Variants in PTPRD observed in about 807,000 individuals in gnomAD.
PTPRD encodes protein tyrosine phosphatase receptor type D.
Under a neutral mutation model 214.5 loss-of-function variants are expected in PTPRD, and 34 were observed. That is an observed-to-expected ratio of 0.16 (90% CI 0.12 to 0.21). PTPRD has a LOEUF of 0.21. Among genes scored for constraint, PTPRD ranks in the 10% least tolerant of loss-of-function variants. The pLI is 1.00. For synonymous variants in PTPRD, 1,128 were observed against 845.7 expected (o/e 1.33, Z -5.79); for missense variants, 2,545 against 2,398.7 (o/e 1.06, Z -1.27).
intron 39 of PTPRD, among the ~76,000 whole-genome samples, chr9:8,359,396 C>A (rs1376900383): frequency 1.3e-5 from 2 of 151,946 alleles, no homozygotes; most frequent in Non-Finnish European, 2.9e-5. Flanking sequence ...ACAATCTCAG[C>A]TCACTGCAAC....
chr9:8,506,131 T>G lies in PTPRD; in HGVS notation c.1677+1170A>C, dbSNP rs141892470. ...CAGAAGTTTACAAGAACATATTAAT[T>G]TATTATAACATCCAAAATTATGTAC... On this transcript the variant is annotated intron_variant, in intron 22 of 45. Transcript: ENST00000381196. Among the ~76,000 whole-genome samples the G allele has an allele frequency of 2.2e-3, 337 of 152,318 alleles. 2 individuals are homozygous for G. The highest frequency in any genetic ancestry group is 8.0e-3 in the African/African-American group (333 of 41,568).
chr9:9,224,977 G>C (rs1313550826), intron 9 of PTPRD, among the ~76,000 whole-genome samples: 1 of 151,952 alleles, frequency 6.6e-6, no homozygotes, highest in Non-Finnish European at 1.5e-5. Context: ...TTACTTTGGT[G>C]AATACTAACT....
Position 9,962,851 on chromosome 9 carries a change from G to A in PTPRD, c.-471-24241C>T, listed in dbSNP as rs147942459. On this transcript the variant is annotated intron_variant, in intron 4 of 45. Transcript: ENST00000381196. ...ACTGTTCCCAAAAGAAAATATAGTA[G>A]CACAATTTTCAAGTTGTAATGCACC... 2.2e-3 allele frequency among the ~76,000 whole-genome samples: 338 copies of A among 152,062 alleles called. 1 individual carries two copies. The highest frequency in any genetic ancestry group is 3.8e-3 in the Non-Finnish European group (261 of 67,940).
chr9:9,742,972 A>G (rs1001106996), intron 6 of PTPRD, among the ~76,000 whole-genome samples: 2 of 152,180 alleles, frequency 1.3e-5, no homozygotes, highest in Admixed American at 1.3e-4. Context: ...CTAATAATTA[A>G]TAGGCATAAC....
chr9:8,552,843 C>G (rs1006961647), intron 14 of PTPRD, among the ~76,000 whole-genome samples: 2 of 152,166 alleles, frequency 1.3e-5, no homozygotes, highest in African/African-American at 2.4e-5. Flanking sequence ...AGATACTTGG[C>G]AAGTCACTAG....
intron 37 of PTPRD, among the ~76,000 whole-genome samples, chr9:8,384,826 C>T (rs964834461): frequency 3.9e-5 from 6 of 152,074 alleles, no homozygotes; most frequent in South Asian, 4.1e-4. Context: ...GCACCTGGCC[C>T]GTTGTCTTTG....
intron 8 of PTPRD, among the ~76,000 whole-genome samples, chr9:9,553,407 C>T (rs1188564024): frequency 6.6e-6 from 1 of 151,966 alleles, no homozygotes; most frequent in Non-Finnish European, 1.5e-5. Context: ...CCAGAAATAC[C>T]CTTCAAGGTA....
At chr9:8,619,619 C>T (rs1430499991) in intron 14 of PTPRD, among the ~76,000 whole-genome samples, 1 of 151,968 alleles carries the variant, frequency 6.6e-6, no homozygotes, top group East Asian at 1.9e-4. Flanking sequence ...AACCATTCAG[C>T]TCTTACATCC....
At chr9:10,159,781 G>C (rs1306201703) in intron 3 of PTPRD, among the ~76,000 whole-genome samples, 1 of 151,704 alleles carries the variant, frequency 6.6e-6, no homozygotes, top group Non-Finnish European at 1.5e-5. Context: ...TACTGAGCTC[G>C]AAGAATGGCT....
intron 8 of PTPRD, among the ~76,000 whole-genome samples, chr9:9,574,315 C>T (rs929466009): frequency 6.6e-6 from 1 of 151,918 alleles, no homozygotes; most frequent in Non-Finnish European, 1.5e-5. Flanking sequence ...CTTCCTGGAG[C>T]TCTAACATCA....
chr9:8,385,674 C>A (rs73640908), intron 37 of PTPRD, among the ~76,000 whole-genome samples: 4,645 of 152,200 alleles, frequency 0.031, 234 homozygotes, highest in African/African-American at 0.11. Flanking sequence ...TCTTCAGTGG[C>A]ACTTATCACT....
At chr9:9,876,932 A>G (rs1236232897) in intron 5 of PTPRD, among the ~76,000 whole-genome samples, 1 of 152,178 alleles carries the variant, frequency 6.6e-6, no homozygotes, top group Non-Finnish European at 1.5e-5. Flanking sequence ...TAAATAGACT[A>G]ATTTTATTTT....
At chr9:10,154,562 C>A (rs1296754286) in intron 3 of PTPRD, among the ~76,000 whole-genome samples, 1 of 152,066 alleles carries the variant, frequency 6.6e-6, no homozygotes, top group Non-Finnish European at 1.5e-5. Context: ...AATGTTATTG[C>A]CTAGGTTGTC....
In PTPRD at chr9:8,897,724, C is replaced by T. The variant is rs535827962; in HGVS notation, c.-104+120973G>A. 3.3e-5 allele frequency among the ~76,000 whole-genome samples: 5 copies of T among 152,266 alleles called. No individual in the cohort carries two copies. In the East Asian group the frequency reaches 5.8e-4, roughly 18 times the overall value. On this transcript the variant is annotated intron_variant, in intron 11 of 45. Transcript: ENST00000381196. Reference sequence around the variant, plus strand: ...GCCTCCTCTGGGAATCTGGTAAAGACGTTGGCAACCTGAGATATGGGGGGC... The same window carrying T: ...GCCTCCTCTGGGAATCTGGTAAAGATGTTGGCAACCTGAGATATGGGGGGC...
At position 10,612,431 on chromosome 9, in the gene PTPRD, T is replaced by A. The variant is rs2081292354; in HGVS notation, c.-633A>T. 1 of 152,284 alleles carries A rather than the reference T, an allele frequency of 6.6e-6. No homozygotes were observed. The highest frequency in any genetic ancestry group is 2.4e-5 in the African/African-American group (1 of 41,454). The allele number at this position is 152,284 out of a possible 1,614,324, so 9.4% of individuals were successfully genotyped here. A position where few individuals can be genotyped will look rare whatever the true frequency, so the allele number is the denominator to read the frequency against. The stretch of plus-strand genomic sequence containing the variant: ...CCGCTCCAGTCCTCCTTGGAAACCC[T>A]GAGGAGTCTTCTCTTTTCTTTCCTA... On this transcript the variant is annotated 5_prime_UTR_variant, in exon 2 of 46. Coordinates refer to ENST00000381196, the MANE Select transcript of PTPRD (RefSeq NM_002839.4).
At chr9:10,503,460 A>C (rs1285526864) in intron 2 of PTPRD, among the ~76,000 whole-genome samples, 1 of 152,026 alleles carries the variant, frequency 6.6e-6, no homozygotes, top group Non-Finnish European at 1.5e-5. Context: ...TTATTTTTAG[A>C]ATTAAGATTT....
At position 9,711,455 on chromosome 9, in the gene PTPRD, CA is replaced by C. The variant is rs145625236; in HGVS notation, c.-287+23077del. Among the ~76,000 whole-genome samples, 1,177 of 152,094 alleles carry C rather than the reference CA, an allele frequency of 7.7e-3. 12 individuals carry two copies. Among genetic ancestry groups the C allele is most frequent in the African/African-American group, 0.027 (1,129 of 41,510 alleles). On this transcript the variant is annotated intron_variant, in intron 7 of 45. Transcript: ENST00000381196. ...TTAGAAAAACATATAACTCTGGCAACAATAACAAAAACAGGCTAAAATAAAA... is the reference window on the plus strand; with the variant it reads ...TTAGAAAAACATATAACTCTGGCAACATAACAAAAACAGGCTAAAATAAAA...
intron 8 of PTPRD, among the ~76,000 whole-genome samples, chr9:9,463,578 A>G (rs1038681251): frequency 6.6e-6 from 1 of 152,106 alleles, no homozygotes; most frequent in African/African-American, 2.4e-5. Flanking sequence ...AATTTCTAAG[A>G]CTGAAAAAAT....
intron 11 of PTPRD, among the ~76,000 whole-genome samples, chr9:8,926,528 A>T (rs2098895077): frequency 6.6e-6 from 1 of 152,122 alleles, no homozygotes; most frequent in Non-Finnish European, 1.5e-5. Context: ...CTGTGTTTTA[A>T]CTGAAAATTT....
Sources: gnomAD v4.1 joint callset for allele counts (sites outside exome capture counted in the v4.1 genomes callset) on GRCh38, gnomAD v4.1.1 for gene constraint, MANE v1.5 for transcripts, NCBI Gene and HGNC (gene_info 2026-07-23, HGNC 2026-07-21) for gene names.